The following NSMCE4A variants were observed in gnomAD, a reference collection of about 807,000 sequenced individuals.
NSMCE4A encodes the protein non-structural maintenance of chromosomes element 4 homolog A.
A neutral mutation model predicts 47.9 loss-of-function variants in NSMCE4A; 40 were observed. The observed-to-expected ratio is 0.83, with a 90% CI of 0.65 to 1.09. The LOEUF is 1.09. Ranked by LOEUF, NSMCE4A falls within the 50% of genes least tolerant of loss-of-function variation. NSMCE4A has a pLI of 0.00. For synonymous variants in NSMCE4A, 166 were observed against 178.5 expected (o/e 0.93, Z 0.56); for missense variants, 500 against 507.0 (o/e 0.99, Z 0.13).
At position 121,975,161 on chromosome 10, in the gene NSMCE4A, G is replaced by C. The variant is rs1952794814; in HGVS notation, c.5C>G (p.Ser2Cys). Residue 2 changes from serine (S) to cysteine (C), a missense_variant, in exon 1 of 11, where the codon TCT becomes TGT. Ser to Cys is a moderately radical substitution (Grantham distance 112). Coordinates refer to ENST00000369023, the MANE Select transcript of NSMCE4A (RefSeq NM_017615.3). M[S>C]GDSSGRGPEG... ...TGGCCCGCGGCCGCTGCTGTCCCCA[G>C]ACATAGCGCCAATTCACCGTGCAAC... 2 of 1,386,220 alleles carry C rather than the reference G, an allele frequency of 1.4e-6. No individual in the cohort carries two copies. The highest frequency in any genetic ancestry group is 1.5e-5 in the African/African-American group (1 of 65,282). 85.9% of individuals were successfully genotyped at this position (1,386,220 alleles called of 1,614,324 possible).
intron 2 of NSMCE4A, among the ~76,000 whole-genome samples, chr10:121,973,206 A>C (rs940445251): frequency 8.1e-5 from 12 of 147,646 alleles, no homozygotes; most frequent in African/African-American, 1.1e-4. Flanking sequence ...ACTGCACTCC[A>C]GCCTGGGCAA....
chr10:121,969,127 G>A (rs2134770754), intron 3 of NSMCE4A, among the ~76,000 whole-genome samples: 1 of 152,292 alleles, frequency 6.6e-6, no homozygotes, highest in African/African-American at 2.4e-5. Flanking sequence ...GGTGGATCAC[G>A]AAGTCAGGAG....
chr10:121,959,360 C>G lies in NSMCE4A; in HGVS notation c.1134G>C (p.Gln378His). The change falls in exon 10 of 11, where the codon CAG (glutamine) becomes CAC (histidine). Residue 378 changes from glutamine (Q) to histidine (H), a missense_variant. Transcript: ENST00000369023. ...ATCAAGCACTTGGCTTCTGCTGCCT[C>G]TGACTTGGAGTAATCACAGGCTCTG... is the stretch of plus-strand genomic sequence containing the variant. The part of the protein sequence containing the change: ...EISEPVITPS[Q>H]RQQKPSA 2.5e-6 allele frequency: 4 copies of G among 1,614,238 alleles called. No individual in the cohort carries two copies. Among genetic ancestry groups the G allele is most frequent in the Non-Finnish European group, 3.4e-6 (4 of 1,180,046 alleles).
chr10:121,965,145 TTAAA>T lies in NSMCE4A; in HGVS notation c.753+137_753+140del, dbSNP rs1338684906. On this transcript the variant is annotated intron_variant, in intron 5 of 10. Coordinates refer to ENST00000369023, the MANE Select transcript of NSMCE4A (RefSeq NM_017615.3). ...CCAATCCAATAAAATGCTTAAAGGCTTAAATAAAATGATTATTTAAGTGACAAAA... is the reference window on the plus strand; with the variant it reads ...CCAATCCAATAAAATGCTTAAAGGCTTAAAATGATTATTTAAGTGACAAAA... The T allele has an allele frequency of 1.3e-5, 8 of 612,478 alleles. No homozygotes were observed. The East Asian group carries it at 2.2e-4, about 17-fold the overall frequency. The allele number at this position is 612,478 out of a possible 1,614,324, so 37.9% of individuals were successfully genotyped here. A position where few individuals can be genotyped will look rare whatever the true frequency, so the allele number is the denominator to read the frequency against.
intron 10 of NSMCE4A, among the ~76,000 whole-genome samples, chr10:121,957,716 G>A (rs958170851): frequency 5.3e-5 from 8 of 151,908 alleles, no homozygotes; most frequent in Non-Finnish European, 8.8e-5. Flanking sequence ...TTACTGGTGT[G>A]AGCCACTGCG....
chr10:121,963,751 G>A (rs1952547677), intron 5 of NSMCE4A, among the ~76,000 whole-genome samples: 1 of 151,928 alleles, frequency 6.6e-6, no homozygotes, highest in African/African-American at 2.4e-5. Flanking sequence ...GTGGTGACAG[G>A]CGCCTGTACT....
In NSMCE4A at chr10:121,967,925, T is replaced by C. The variant is rs971416381; in HGVS notation, c.502-119A>G. On this transcript the variant is annotated intron_variant, in intron 3 of 10. Coordinates refer to ENST00000369023, the MANE Select transcript of NSMCE4A (RefSeq NM_017615.3). ...AGACGCAAAGCCAGCTTTCAGTGTC[T>C]TAACATGCTGGCTAAATTTCTTACT... 6 of 959,260 alleles carry C rather than the reference T, an allele frequency of 6.3e-6. No homozygotes were observed. In the South Asian group the frequency reaches 8.8e-5, roughly 14 times the overall value. The allele number at this position is 959,260 out of a possible 1,614,324, so 59.4% of individuals were successfully genotyped here. A position where few individuals can be genotyped will look rare whatever the true frequency, so the allele number is the denominator to read the frequency against.
intron 2 of NSMCE4A, among the ~76,000 whole-genome samples, chr10:121,973,239 A>C (rs1201946694): frequency 4.3e-5 from 1 of 23,522 alleles, no homozygotes; most frequent in Non-Finnish European, 9.3e-5. Flanking sequence ...CTCAAACCTC[A>C]AAAAAAAAAA....
In NSMCE4A at chr10:121,963,453, C is replaced by G. The variant is rs1952540242; in HGVS notation, c.754-125G>C. The G allele has an allele frequency of 5.4e-5, 33 of 607,816 alleles. 1 individual carries two copies. The South Asian group carries it at 6.8e-4, about 12-fold the overall frequency. The allele number at this position is 607,816 out of a possible 1,614,324, so 37.7% of individuals were successfully genotyped here. A position where few individuals can be genotyped will look rare whatever the true frequency, so the allele number is the denominator to read the frequency against. On this transcript the variant is annotated intron_variant, in intron 5 of 10. Coordinates refer to ENST00000369023, the MANE Select transcript of NSMCE4A (RefSeq NM_017615.3). ...CCCGAACTCTTTTTTTTTTTTGAGA[C>G]AGGGTCTTGCTTTGCCACCCAGGCT... is the stretch of plus-strand genomic sequence containing the variant.
intron 6 of NSMCE4A, among the ~76,000 whole-genome samples, chr10:121,962,524 A>G (rs1952520820): frequency 6.6e-6 from 1 of 152,172 alleles, no homozygotes; most frequent in African/African-American, 2.4e-5. Context: ...AGGGAGATCT[A>G]TATGAAATGA....
At chr10:121,961,328 A>G in intron 7 of NSMCE4A, 95 bp downstream of exon 7, 1 of 788,458 alleles carries the variant, frequency 1.3e-6, no homozygotes, top group Non-Finnish European at 2.0e-6. Flanking sequence ...TGGCTAGTGT[A>G]TACAGATACC....
In NSMCE4A at chr10:121,974,897, C is replaced by T; in HGVS notation, c.269G>A (p.Arg90Gln). The change falls in exon 1 of 11, where the codon CGG becomes CAG. Residue 90 changes from arginine to glutamine, a missense_variant. Transcript: ENST00000369023. The part of the protein sequence containing the change: ...GLCRQIRHQY[R>Q]ALINSVQQNR... ...ACGTTGGACGGAGTTGATGAGCGCC[C>T]GGTACTGATGGCGGATCTGGCGGCA... The T allele has an allele frequency of 6.6e-7, 1 of 1,520,342 alleles. No individual in the cohort carries two copies. Among genetic ancestry groups the T allele is most frequent in the Non-Finnish European group, 8.8e-7 (1 of 1,136,502 alleles). 94.2% of individuals were successfully genotyped at this position (1,520,342 alleles called of 1,614,324 possible).
chr10:121,972,916 A>G (rs11200297), intron 2 of NSMCE4A, among the ~76,000 whole-genome samples: 20,196 of 152,210 alleles, frequency 0.13, 1,544 homozygotes, highest in Non-Finnish European at 0.17. Flanking sequence ...AGCAATGACT[A>G]AAAATATACG....
At chr10:121,961,355 T>G in intron 7 of NSMCE4A, 68 bp downstream of exon 7, 1 of 1,111,468 alleles carries the variant, frequency 9.0e-7, no homozygotes, top group South Asian at 1.5e-5. Context: ...AGCTCCCTTC[T>G]ACAGCTTTTC....
intron 3 of NSMCE4A, among the ~76,000 whole-genome samples, chr10:121,968,748 T>G (rs1379933155): frequency 4.6e-5 from 7 of 152,130 alleles, no homozygotes; most frequent in Non-Finnish European, 1.0e-4. Context: ...TCAGGGAGCT[T>G]AACCCTATTA....
At chr10:121,974,195 A>G in intron 1 of NSMCE4A, 114 bp from the exon 2 acceptor site, 9 of 1,360,060 alleles carry the variant, frequency 6.6e-6, no homozygotes, top group Non-Finnish European at 9.0e-6. Flanking sequence ...GCTCTGAGTA[A>G]TTACTTCGAA....
chr10:121,967,301 A>T (rs1267078907), intron 4 of NSMCE4A: 1 of 176,838 alleles, frequency 5.7e-6, no homozygotes, highest in Non-Finnish European at 1.2e-5. Context: ...GGCTCAAGTG[A>T]TCCTCCCACC....
At chr10:121,971,124 C>T (rs1952700559) in intron 2 of NSMCE4A, 55 bp from the exon 3 acceptor site, 1 of 1,454,086 alleles carries the variant, frequency 6.9e-7, no homozygotes, top group Non-Finnish European at 9.3e-7. Context: ...TATCCATAGA[C>T]TTTTTCCCTA....
intron 4 of NSMCE4A, 44 bp downstream of exon 4, chr10:121,967,611 G>A (rs752186588): frequency 6.3e-7 from 1 of 1,576,722 alleles, no homozygotes; most frequent in Non-Finnish European, 8.6e-7. Flanking sequence ...AGCAATTTAA[G>A]GTTCACAAAT....
Sources: allele counts gnomAD v4.1 joint callset (sites outside exome capture counted in the v4.1 genomes callset), GRCh38; gene constraint gnomAD v4.1.1; transcripts MANE v1.5; gene names NCBI Gene and HGNC (gene_info 2026-07-23, HGNC 2026-07-21).